The following DIP2C variants were observed in gnomAD, a reference collection of about 807,000 sequenced individuals.
DIP2C encodes disco-interacting protein 2 homolog C.
A neutral mutation model predicts 192.4 loss-of-function variants in DIP2C; 33 were observed. The ratio of observed to expected loss-of-function variants is 0.17; its 90% CI spans 0.13 to 0.23. DIP2C has a LOEUF of 0.23. Ranked by LOEUF, DIP2C falls within the 10% of genes least tolerant of loss-of-function variation. DIP2C has a pLI of 1.00. For synonymous variants in DIP2C, 979 were observed against 864.1 expected (o/e 1.13, Z -2.33); for missense variants, 1,537 against 2,110.1 (o/e 0.73, Z 5.32).
chr10:344,765 C>A, intron 28 of DIP2C, 44 bp downstream of exon 28: 1 of 1,523,294 alleles, frequency 6.6e-7, no homozygotes, highest in East Asian at 2.4e-5. Flanking sequence ...CCAGCACGCT[C>A]CGCAGTTGCC....
At chr10:661,743 T>C (rs1331972839) in intron 1 of DIP2C, among the ~76,000 whole-genome samples, 1 of 152,220 alleles carries the variant, frequency 6.6e-6, no homozygotes, top group Non-Finnish European at 1.5e-5. Context: ...CCTGCACTTC[T>C]ATGTAGGAGG....
intron 10 of DIP2C, among the ~76,000 whole-genome samples, chr10:392,799 G>C (rs552070578): frequency 6.7e-6 from 1 of 150,096 alleles, no homozygotes; most frequent in Non-Finnish European, 1.5e-5. Context: ...GCACACACGC[G>C]GATGCGCACA....
chr10:507,038 C>T (rs552636582), intron 1 of DIP2C, among the ~76,000 whole-genome samples: 3 of 151,490 alleles, frequency 2.0e-5, no homozygotes, highest in East Asian at 2.0e-4. Context: ...GTCACGGACC[C>T]GGTCACCCAT....
At chr10:657,503 C>T (rs1856440707) in intron 1 of DIP2C, among the ~76,000 whole-genome samples, 2 of 30,956 alleles carry the variant, frequency 6.5e-5, no homozygotes, top group Non-Finnish European at 8.2e-5. Context: ...CTGGACCTGT[C>T]CCTGGACCTG....
chr10:327,774 T>A (rs1185092007), intron 30 of DIP2C, among the ~76,000 whole-genome samples: 1 of 152,230 alleles, frequency 6.6e-6, no homozygotes, highest in Admixed American at 6.5e-5. Flanking sequence ...GCTCCATTTA[T>A]GTCCCATTAC....
intron 36 of DIP2C, 139 bp from the exon 37 acceptor site, chr10:277,716 C>T (rs755910751): frequency 6.1e-5 from 72 of 1,174,816 alleles, no homozygotes; most frequent in Middle Eastern, 2.8e-4. Flanking sequence ...CCACGTCCTC[C>T]GTCTGCCGCC....
At chr10:454,263 G>C (rs902565214) in intron 3 of DIP2C, among the ~76,000 whole-genome samples, 3 of 152,074 alleles carry the variant, frequency 2.0e-5, no homozygotes, top group African/African-American at 7.3e-5. Context: ...AATCACTATT[G>C]CTAGTGAAGA....
chr10:542,614 G>A (rs929227483), intron 1 of DIP2C, among the ~76,000 whole-genome samples: 2 of 152,252 alleles, frequency 1.3e-5, no homozygotes, highest in South Asian at 2.1e-4. Flanking sequence ...GGAATGGAGG[G>A]TTCTAACCCT....
At chr10:307,686 CAG>C (rs952269059) in intron 32 of DIP2C, among the ~76,000 whole-genome samples, 36 of 152,264 alleles carry the variant, frequency 2.4e-4, no homozygotes, top group Admixed American at 2.0e-4. Flanking sequence ...GAGAAAAAAA[CAG>C]AAAGGAATGA....
At chr10:527,740 T>A (rs1209512474) in intron 1 of DIP2C, among the ~76,000 whole-genome samples, 3 of 152,188 alleles carry the variant, frequency 2.0e-5, no homozygotes, top group Non-Finnish European at 4.4e-5. Flanking sequence ...AGTGAGATGG[T>A]TGGCCTAGAA....
At chr10:418,936 G>T in intron 6 of DIP2C, 129 bp downstream of exon 6, 1 of 1,395,202 alleles carries the variant, frequency 7.2e-7, no homozygotes, top group South Asian at 1.5e-5. Context: ...GGCTCCCGAA[G>T]ATCTGATAAA....
chr10:479,749 CAT>C (rs1422506247), intron 2 of DIP2C, among the ~76,000 whole-genome samples: 1 of 152,338 alleles, frequency 6.6e-6, no homozygotes, highest in East Asian at 1.9e-4. Context: ...ATTAGGGACT[CAT>C]ACACTGGAAA....
chr10:488,009 T>C (rs1331893976), intron 1 of DIP2C, among the ~76,000 whole-genome samples: 2 of 152,222 alleles, frequency 1.3e-5, no homozygotes, highest in East Asian at 3.8e-4. Context: ...GGAAATGCCT[T>C]GTTAACCCGT....
chr10:568,306 G>A (rs922652788), intron 1 of DIP2C, among the ~76,000 whole-genome samples: 1 of 152,228 alleles, frequency 6.6e-6, no homozygotes, highest in Non-Finnish European at 1.5e-5. Context: ...CAAATGAGGA[G>A]TGAAGATACC....
chr10:624,067 C>T (rs901595241), intron 1 of DIP2C, among the ~76,000 whole-genome samples: 9 of 152,258 alleles, frequency 5.9e-5, no homozygotes, highest in East Asian at 1.9e-4. Flanking sequence ...ACCCGGGACC[C>T]GCCCTGAGCC....
intron 1 of DIP2C, among the ~76,000 whole-genome samples, chr10:527,614 G>A (rs776154834): frequency 2.6e-5 from 4 of 152,174 alleles, no homozygotes; most frequent in South Asian, 2.1e-4. Flanking sequence ...AAATACAGAT[G>A]CAGACACAGA....
rs186078482 is a variant in DIP2C at position 679,136 on chromosome 10, C to G, written c.85+10358G>C. On this transcript the variant is annotated intron_variant, in intron 1 of 36. Coordinates refer to ENST00000280886, the MANE Select transcript of DIP2C (RefSeq NM_014974.3). Reference sequence around the variant, plus strand: ...CCACGCCCATGCTCCCCGCACCCATCCTCCCTGCGCCCATGCTCCCCGCAT... The same window carrying G: ...CCACGCCCATGCTCCCCGCACCCATGCTCCCTGCGCCCATGCTCCCCGCAT... 7.2e-4 allele frequency among the ~76,000 whole-genome samples: 15 copies of G among 20,974 alleles called. 7 individuals carry two copies. Among genetic ancestry groups the G allele is most frequent in the Admixed American group, 2.5e-3 (4 of 1,602 alleles). 13.8% of individuals were successfully genotyped at this position (20,974 alleles called of 152,430 possible). A position where few individuals can be genotyped will look rare whatever the true frequency, so the allele number is the denominator to read the frequency against.
At chr10:489,404 AGAT>A (rs1485458489) in intron 1 of DIP2C, among the ~76,000 whole-genome samples, 3 of 152,266 alleles carry the variant, frequency 2.0e-5, no homozygotes, top group Admixed American at 6.5e-5. Context: ...CAGACGACAG[AGAT>A]GATGGACAGA....
chr10:634,804 G>A lies in DIP2C; in HGVS notation c.85+54690C>T, dbSNP rs894367121. ...AGAAAAAGAAAAAAATGATTCTCAC[G>A]ACACTGTCAACATCTTAAGTTCTTC... On this transcript the variant is annotated intron_variant, in intron 1 of 36. Coordinates refer to ENST00000280886, the MANE Select transcript of DIP2C (RefSeq NM_014974.3). Among the ~76,000 whole-genome samples the A allele has an allele frequency of 1.3e-4, 20 of 151,890 alleles. 1 individual carries two copies. The highest frequency in any genetic ancestry group is 4.6e-4 in the African/African-American group (19 of 41,356).
Sources: allele counts gnomAD v4.1 joint callset (sites outside exome capture counted in the v4.1 genomes callset), GRCh38; gene constraint gnomAD v4.1.1; transcripts MANE v1.5; gene names NCBI Gene and HGNC (gene_info 2026-07-23, HGNC 2026-07-21).